PCDHA4: variants seen among roughly 807,000 people sequenced by gnomAD.
PCDHA4 encodes the protein protocadherin alpha-4.
A neutral mutation model predicts 61.4 loss-of-function variants in PCDHA4; 49 were observed. The ratio of observed to expected loss-of-function variants is 0.80; its 90% confidence interval spans 0.63 to 1.01. The LOEUF (loss-of-function observed/expected upper bound fraction) is 1.01. Among genes scored for constraint, PCDHA4 ranks in the 50% least tolerant of loss-of-function variants. PCDHA4 has a pLI of 0.00. For synonymous variants in PCDHA4, 590 were observed against 550.3 expected (o/e 1.07, Z -1.01); for missense variants, 1,254 against 1,235.8 (o/e 1.01, Z -0.22).
chr5:140,988,025 G>A (rs1305100946), intron 3 of PCDHA4, among the ~76,000 whole-genome samples: 1 of 152,136 alleles, frequency 6.6e-6, no homozygotes, highest in African/African-American at 2.4e-5. Context: ...TGATTCTTAA[G>A]TTTTTTAGAA....
chr5:140,943,257 C>CA (rs1238620023), intron 1 of PCDHA4, among the ~76,000 whole-genome samples: 3,333 of 76,804 alleles, frequency 0.043, 169 homozygotes, highest in Admixed American at 0.1. Context: ...GACTCTGTCT[C>CA]AAAAAAAAAA....
At chr5:140,948,860 T>C (rs2094315023) in intron 1 of PCDHA4, among the ~76,000 whole-genome samples, 2 of 151,640 alleles carry the variant, frequency 1.3e-5, no homozygotes, top group Non-Finnish European at 3.0e-5. Flanking sequence ...CTTCTTATAT[T>C]ACTTCGGGTT....
intron 3 of PCDHA4, among the ~76,000 whole-genome samples, chr5:140,989,660 G>T (rs1369597923): frequency 6.6e-6 from 1 of 152,180 alleles, no homozygotes; most frequent in Non-Finnish European, 1.5e-5. Context: ...TATTTTAAAA[G>T]AAACTCTGCC....
At chr5:140,946,752 A>C (rs1470208958) in intron 1 of PCDHA4, among the ~76,000 whole-genome samples, 1 of 151,470 alleles carries the variant, frequency 6.6e-6, no homozygotes, top group East Asian at 1.9e-4. Context: ...CAAATACTGC[A>C]TGATCTCATT....
intron 1 of PCDHA4, chr5:140,823,923 G>A (rs1767928713): frequency 6.2e-6 from 10 of 1,614,002 alleles, no homozygotes; most frequent in Non-Finnish European, 7.6e-6. Context: ...CGCTGCTGCT[G>A]TACACCGCGC....
chr5:140,872,828 A>G (rs1393520150), intron 1 of PCDHA4, among the ~76,000 whole-genome samples: 2 of 152,234 alleles, frequency 1.3e-5, no homozygotes, highest in African/African-American at 4.8e-5. Flanking sequence ...CATCTAGCAG[A>G]GAAAAAATTA....
chr5:140,945,654 AT>A (rs1230046600), intron 1 of PCDHA4, among the ~76,000 whole-genome samples: 5 of 152,294 alleles, frequency 3.3e-5, no homozygotes, highest in Admixed American at 3.3e-4. Flanking sequence ...ATGGAGCAGA[AT>A]ACAGCTCCCA....
chr5:140,957,113 G>A (rs1554222808), intron 1 of PCDHA4, among the ~76,000 whole-genome samples: 2 of 152,086 alleles, frequency 1.3e-5, no homozygotes, highest in Admixed American at 6.6e-5. Flanking sequence ...ACATGATTCT[G>A]TGTGTTTCTT....
chr5:140,828,245 C>G lies in PCDHA4; in HGVS notation c.2385+18673C>G, dbSNP rs1354249187. On this transcript the variant is annotated intron_variant, in intron 1 of 3. Coordinates refer to ENST00000530339, the MANE Select transcript of PCDHA4 (RefSeq NM_018907.4). Reference sequence around the variant, plus strand: ...CTTCGTGGGCCGGATCGCGCAGGACCTGGGGCTGGAGCTGGCGGAGCTGGT... The same window carrying G: ...CTTCGTGGGCCGGATCGCGCAGGACGTGGGGCTGGAGCTGGCGGAGCTGGT... 59 of 1,613,838 alleles carry G rather than the reference C, an allele frequency of 3.7e-5. No individual in the cohort carries two copies. The highest frequency in any genetic ancestry group is 4.7e-5 in the Non-Finnish European group (55 of 1,180,056).
chr5:140,883,827 T>G, intron 1 of PCDHA4: 1 of 1,612,546 alleles, frequency 6.2e-7, no homozygotes, highest in South Asian at 1.1e-5. Context: ...GTGTACGCGC[T>G]GCAGCCGTTG....
intron 1 of PCDHA4, chr5:140,836,500 C>T (rs2150262394): frequency 1.2e-6 from 2 of 1,613,882 alleles, no homozygotes; most frequent in African/African-American, 1.3e-5. Flanking sequence ...GCCATCTGCG[C>T]GGTGTCCAGT....
chr5:140,997,133 C>G (rs1554255761), intron 3 of PCDHA4, among the ~76,000 whole-genome samples: 1 of 152,092 alleles, frequency 6.6e-6, no homozygotes, highest in Non-Finnish European at 1.5e-5. Flanking sequence ...ACAATGCCCC[C>G]ACACCCCCGC....
chr5:140,965,168 T>C (rs1484687706), intron 1 of PCDHA4, among the ~76,000 whole-genome samples: 1 of 152,180 alleles, frequency 6.6e-6, no homozygotes, highest in Non-Finnish European at 1.5e-5. Context: ...GACGTTTTAG[T>C]GAGTGCTTTT....
At chr5:140,927,598 T>G (rs2084398863) in intron 1 of PCDHA4, 1 of 1,614,046 alleles carries the variant, frequency 6.2e-7, no homozygotes, top group African/African-American at 1.3e-5. Flanking sequence ...ATTTGAGCGC[T>G]CCGTATACCG....
At chr5:140,945,838 G>A (rs1415502139) in intron 1 of PCDHA4, among the ~76,000 whole-genome samples, 2 of 151,896 alleles carry the variant, frequency 1.3e-5, no homozygotes, top group African/African-American at 4.8e-5. Context: ...AACTCAAAAT[G>A]GATTAAAGAC....
chr5:140,915,077 C>G (rs2076970768), intron 1 of PCDHA4, among the ~76,000 whole-genome samples: 1 of 151,656 alleles, frequency 6.6e-6, no homozygotes. Flanking sequence ...TACTGAGTAG[C>G]TGGGACTATG....
Position 140,828,935 on chromosome 5 carries a change from A to T in PCDHA4, c.2385+19363A>T, listed in dbSNP as rs2150160938. The T allele has an allele frequency of 3.7e-6, 6 of 1,614,120 alleles. No individual in the cohort carries two copies. In the African/African-American group the frequency reaches 8.0e-5, roughly 22 times the overall value. ...GAATGGGGCAATTTCATATTCTTTTAATAGCCTTGTTGCAGCCATGGTTAT... is the reference window on the plus strand; with the variant it reads ...GAATGGGGCAATTTCATATTCTTTTTATAGCCTTGTTGCAGCCATGGTTAT... On this transcript the variant is annotated intron_variant, in intron 1 of 3. Transcript: ENST00000530339.
chr5:140,866,967 C>T (rs1315852276), intron 1 of PCDHA4: 7 of 152,134 alleles, frequency 4.6e-5, no homozygotes, highest in African/African-American at 1.7e-4. Context: ...ATGGTGACAT[C>T]TGAAATATCA....
chr5:140,897,726 A>T (rs149995278), intron 1 of PCDHA4, among the ~76,000 whole-genome samples: 22,632 of 152,088 alleles, frequency 0.15, 1,739 homozygotes, highest in Middle Eastern at 0.2. Flanking sequence ...GCTGGGTCAA[A>T]TAGTATTTCT....
Sources: allele counts gnomAD v4.1 joint callset (sites outside exome capture counted in the v4.1 genomes callset), GRCh38; gene constraint gnomAD v4.1.1; transcripts MANE v1.5; gene names NCBI Gene and HGNC (gene_info 2026-07-23, HGNC 2026-07-21).